ZNF385D: variants seen among roughly 807,000 people sequenced by gnomAD.
ZNF385D encodes the protein zinc finger protein 385D.
A neutral mutation model predicts 35.8 loss-of-function variants in ZNF385D; 15 were observed. The ratio of observed to expected loss-of-function variants is 0.42; its 90% CI spans 0.28 to 0.64. The LOEUF (loss-of-function observed/expected upper bound fraction) is 0.64, where lower values mean the gene tolerates loss of function less well. Among genes scored for constraint, ZNF385D ranks in the 30% least tolerant of loss-of-function variants. The pLI is 0.23. For missense variants in ZNF385D, 474 were observed against 494.6 expected, an observed-to-expected ratio of 0.96 and a Z score of 0.39; for synonymous variants, 212 against 186.8, an observed-to-expected ratio of 1.13 and a Z score of -1.10.
intron 4 of ZNF385D, among the ~76,000 whole-genome samples, chr3:21,437,701 C>CAAGAAAAAAAA (rs1701631986): frequency 1.3e-5 from 1 of 77,196 alleles, no homozygotes; most frequent in Non-Finnish European, 2.3e-5. Flanking sequence ...AATGCTTATA[C>CAAGAAAAAAAA]AAAAAAAAAA....
intron 3 of ZNF385D, among the ~76,000 whole-genome samples, chr3:21,826,286 T>A (rs1009823189): frequency 2.6e-5 from 4 of 152,150 alleles, no homozygotes; most frequent in Admixed American, 2.6e-4. Context: ...GAGAACAACG[T>A]TTACCGCAAT....
intron 3 of ZNF385D, among the ~76,000 whole-genome samples, chr3:21,863,185 C>A (rs1231321187): frequency 6.6e-6 from 1 of 152,030 alleles, no homozygotes; most frequent in Non-Finnish European, 1.5e-5. Context: ...TGATATTGAA[C>A]TAGAAGTTTC....
At chr3:21,864,213 T>A (rs563971784) in intron 3 of ZNF385D, among the ~76,000 whole-genome samples, 1 of 152,236 alleles carries the variant, frequency 6.6e-6, no homozygotes, top group South Asian at 2.1e-4. Flanking sequence ...CTACCTGAGA[T>A]ATTTTAAAGA....
At chr3:21,464,662 C>A (rs1329984305) in intron 4 of ZNF385D, among the ~76,000 whole-genome samples, 1 of 151,752 alleles carries the variant, frequency 6.6e-6, no homozygotes, top group Non-Finnish European at 1.5e-5. Flanking sequence ...GCCATATTTT[C>A]AAGACACAGT....
chr3:21,933,812 G>A (rs924513362), intron 3 of ZNF385D, among the ~76,000 whole-genome samples: 1 of 151,974 alleles, frequency 6.6e-6, no homozygotes, highest in South Asian at 2.1e-4. Flanking sequence ...CTATCTCCTG[G>A]TTTCTTAATT....
chr3:21,992,679 T>C (rs569218164), intron 3 of ZNF385D, among the ~76,000 whole-genome samples: 1 of 152,332 alleles, frequency 6.6e-6, no homozygotes, highest in East Asian at 1.9e-4. Flanking sequence ...TGTAATATGA[T>C]GAGCATGTTC....
intron 2 of ZNF385D, among the ~76,000 whole-genome samples, chr3:22,267,502 C>T (rs1343152665): frequency 6.6e-6 from 1 of 151,744 alleles, no homozygotes; most frequent in African/African-American, 2.4e-5. Flanking sequence ...ATTCTGCTTT[C>T]ATAAATTATA....
At chr3:21,651,380 TATTTTA>T (rs1391587299) in intron 2 of ZNF385D, among the ~76,000 whole-genome samples, 2 of 151,942 alleles carry the variant, frequency 1.3e-5, no homozygotes, top group Non-Finnish European at 2.9e-5. Flanking sequence ...TGACTCAGGT[TATTTTA>T]ATTATTTTCA....
At chr3:21,603,046 C>G (rs532724939) in intron 2 of ZNF385D, among the ~76,000 whole-genome samples, 10 of 152,250 alleles carry the variant, frequency 6.6e-5, no homozygotes, top group African/African-American at 2.4e-4. Flanking sequence ...ATAACTACCC[C>G]AAACTTACTA....
At chr3:22,179,280 C>G (rs1412448549) in intron 2 of ZNF385D, among the ~76,000 whole-genome samples, 1 of 152,116 alleles carries the variant, frequency 6.6e-6, no homozygotes, top group East Asian at 1.9e-4. Flanking sequence ...GTTTGTAGTT[C>G]TCCTTGAAGA....
chr3:22,177,704 G>T (rs931630677), intron 2 of ZNF385D, among the ~76,000 whole-genome samples: 1 of 152,022 alleles, frequency 6.6e-6, no homozygotes, highest in Non-Finnish European at 1.5e-5. Flanking sequence ...TTTAACATTA[G>T]GTATATCTCC....
At chr3:21,988,683 G>A (rs1179061219) in intron 3 of ZNF385D, among the ~76,000 whole-genome samples, 22 of 151,706 alleles carry the variant, frequency 1.5e-4, no homozygotes, top group African/African-American at 3.6e-4. Context: ...TCCTTGAGCT[G>A]TGGTGGGCTC....
intron 2 of ZNF385D, among the ~76,000 whole-genome samples, chr3:21,627,247 GT>G (rs1253789819): frequency 0.035 from 78 of 2,254 alleles, no homozygotes; most frequent in Middle Eastern, 0.25. Context: ...GAGGTGTAGG[GT>G]GTGTGTGTGT....
chr3:22,257,849 A>T (rs1402620513), intron 2 of ZNF385D, among the ~76,000 whole-genome samples: 1 of 151,868 alleles, frequency 6.6e-6, no homozygotes, highest in Non-Finnish European at 1.5e-5. Context: ...TTCTTCATAG[A>T]TCACACAATT....
At chr3:21,798,724 G>A (rs1177837652) in intron 3 of ZNF385D, among the ~76,000 whole-genome samples, 2 of 152,152 alleles carry the variant, frequency 1.3e-5, no homozygotes, top group Non-Finnish European at 2.9e-5. Context: ...AAAGAAGGGG[G>A]AGCTGATCAT....
chr3:21,687,057 G>A (rs2067128259), intron 1 of ZNF385D, among the ~76,000 whole-genome samples: 1 of 152,152 alleles, frequency 6.6e-6, no homozygotes, highest in African/African-American at 2.4e-5. Flanking sequence ...TGCAGCTCCT[G>A]CCCTGGCTCT....
intron 3 of ZNF385D, among the ~76,000 whole-genome samples, chr3:21,544,186 A>G (rs1031234741): frequency 2.6e-5 from 4 of 152,234 alleles, no homozygotes; most frequent in Middle Eastern, 3.2e-3. Context: ...GTCAGATGCA[A>G]GTGTTTTGAG....
chr3:22,248,121 C>A (rs1023386395), intron 2 of ZNF385D, among the ~76,000 whole-genome samples: 8 of 152,120 alleles, frequency 5.3e-5, no homozygotes, highest in African/African-American at 1.9e-4. Context: ...CCTGAAGATT[C>A]TGTTTTCTGG....
intron 2 of ZNF385D, among the ~76,000 whole-genome samples, chr3:22,220,210 C>G (rs1355914199): frequency 6.6e-6 from 1 of 151,850 alleles, no homozygotes; most frequent in Admixed American, 6.6e-5. Flanking sequence ...ACCACAGGCA[C>G]GTGCCACCAC....
Sources: allele counts gnomAD v4.1 joint callset (sites outside exome capture counted in the v4.1 genomes callset), GRCh38; gene constraint gnomAD v4.1.1; transcripts MANE v1.5; gene names NCBI Gene and HGNC (gene_info 2026-07-23, HGNC 2026-07-21).